The following TENM2 variants were observed in gnomAD, a reference collection of about 807,000 sequenced individuals.
The protein encoded by TENM2 is teneurin transmembrane protein 2.
Under a neutral mutation model 245.2 loss-of-function variants are expected in TENM2, and 52 were observed. The observed-to-expected ratio is 0.21, with a 90% CI of 0.17 to 0.27. The LOEUF is 0.27. Among genes scored for constraint, TENM2 ranks in the 10% least tolerant of loss-of-function variants. The pLI is 1.00. For synonymous variants in TENM2, 1,363 were observed against 1,438.9 expected (o/e 0.95, Z 1.19); for missense variants, 3,046 against 3,666.8 (o/e 0.83, Z 4.37).
chr5:167,492,704 TG>T (rs1768511762), intron 2 of TENM2, among the ~76,000 whole-genome samples: 1 of 152,104 alleles, frequency 6.6e-6, no homozygotes, highest in Admixed American at 6.6e-5. Context: ...TCAAAAAACC[TG>T]GGGACACAAC....
chr5:167,440,215 T>C (rs995207197), intron 2 of TENM2, among the ~76,000 whole-genome samples: 1 of 152,220 alleles, frequency 6.6e-6, no homozygotes, highest in African/African-American at 2.4e-5. Flanking sequence ...ATTCTACTTA[T>C]AACAATGTAA....
the TENM2 span, among the ~76,000 whole-genome samples, chr5:167,020,836 G>A: frequency 6.6e-6 from 1 of 152,204 alleles, no homozygotes; most frequent in Non-Finnish European, 1.5e-5. Context: ...TTAAAGGGAT[G>A]GAGAAGACTC....
At chr5:167,784,362 T>C (rs1307785438) in intron 2 of TENM2, among the ~76,000 whole-genome samples, 1 of 152,192 alleles carries the variant, frequency 6.6e-6, no homozygotes, top group African/African-American at 2.4e-5. Context: ...GTCCATAGAA[T>C]GTATGTAGTG....
the TENM2 span, among the ~76,000 whole-genome samples, chr5:167,030,994 G>C: frequency 6.6e-6 from 1 of 152,180 alleles, no homozygotes. Context: ...TGCGGAGCAT[G>C]CCGCTTCCTG....
the TENM2 span, among the ~76,000 whole-genome samples, chr5:167,005,091 C>T: frequency 2.0e-5 from 3 of 151,972 alleles, no homozygotes; most frequent in Non-Finnish European, 2.9e-5. Flanking sequence ...AGGACTTTTC[C>T]CCCCCATTTA....
At chr5:167,308,482 A>T (rs1031035970) in intron 1 of TENM2, among the ~76,000 whole-genome samples, 1 of 152,198 alleles carries the variant, frequency 6.6e-6, no homozygotes. Context: ...TCTATTAGAA[A>T]ATCGTCTTGT....
At chr5:168,080,689 C>G (rs1791914436) in intron 7 of TENM2, among the ~76,000 whole-genome samples, 1 of 152,030 alleles carries the variant, frequency 6.6e-6, no homozygotes, top group South Asian at 2.1e-4. Context: ...TCGTTATGTA[C>G]CCAGTAGTCA....
At chr5:167,113,831 G>C in the TENM2 span, among the ~76,000 whole-genome samples, 8 of 152,146 alleles carry the variant, frequency 5.3e-5, no homozygotes, top group African/African-American at 1.9e-4. Context: ...ATGGTTAACT[G>C]TCTGATCCTT....
At chr5:167,735,641 AC>A (rs1456044971) in intron 2 of TENM2, among the ~76,000 whole-genome samples, 1 of 152,094 alleles carries the variant, frequency 6.6e-6, no homozygotes, top group Admixed American at 6.5e-5. Context: ...CCCCATCTCT[AC>A]AAAAAATACA....
intron 3 of TENM2, among the ~76,000 whole-genome samples, chr5:167,877,293 A>G (rs184797786): frequency 1.3e-5 from 2 of 152,336 alleles, no homozygotes; most frequent in East Asian, 3.9e-4. Flanking sequence ...AAATACATTT[A>G]AGATGACTCA....
At chr5:167,046,027 G>A in the TENM2 span, among the ~76,000 whole-genome samples, 1 of 152,088 alleles carries the variant, frequency 6.6e-6, no homozygotes, top group South Asian at 2.1e-4. Context: ...ATGTTTCTTA[G>A]TTCCAGTCAC....
chr5:167,300,602 C>G (rs1386144649), intron 1 of TENM2, among the ~76,000 whole-genome samples: 2 of 152,090 alleles, frequency 1.3e-5, no homozygotes, highest in African/African-American at 4.8e-5. Flanking sequence ...ATAACAGGCT[C>G]TAATCCTTTT....
chr5:167,527,665 T>G (rs899179477), intron 2 of TENM2, among the ~76,000 whole-genome samples: 8 of 152,164 alleles, frequency 5.3e-5, no homozygotes, highest in South Asian at 2.1e-4. Context: ...CTCTTATTTT[T>G]TCATCAAATA....
chr5:167,031,713 C>T, the TENM2 span, among the ~76,000 whole-genome samples: 1 of 152,018 alleles, frequency 6.6e-6, no homozygotes, highest in Non-Finnish European at 1.5e-5. Flanking sequence ...TACAGGCATG[C>T]GCTACCACGC....
chr5:167,761,709 A>G (rs1230303376), intron 2 of TENM2, among the ~76,000 whole-genome samples: 2 of 152,192 alleles, frequency 1.3e-5, no homozygotes, highest in African/African-American at 4.8e-5. Flanking sequence ...CACAGGCCTA[A>G]TGAGAAGTCA....
At chr5:167,388,468 A>C (rs1489508245) in intron 2 of TENM2, among the ~76,000 whole-genome samples, 5 of 151,430 alleles carry the variant, frequency 3.3e-5, no homozygotes, top group Non-Finnish European at 5.9e-5. Context: ...CTTTTGTTTC[A>C]TTTATCTTTT....
At chr5:167,060,605 C>G in the TENM2 span, among the ~76,000 whole-genome samples, 1 of 144,956 alleles carries the variant, frequency 6.9e-6, no homozygotes, top group Non-Finnish European at 1.5e-5. Flanking sequence ...GAGCCAAGAT[C>G]ATTCCACTGC....
chr5:167,983,197 ACT>A (rs1782975667), intron 4 of TENM2, among the ~76,000 whole-genome samples: 2 of 151,166 alleles, frequency 1.3e-5, no homozygotes, highest in African/African-American at 4.9e-5. Context: ...AAAAAAAAAG[ACT>A]CTTCATCTCA....
intron 2 of TENM2, among the ~76,000 whole-genome samples, chr5:167,627,171 T>G (rs1224994377): frequency 6.6e-6 from 1 of 152,206 alleles, no homozygotes. Context: ...TTTAAACCAC[T>G]CTAATGAATT....
Sources: allele counts gnomAD v4.1 joint callset (sites outside exome capture counted in the v4.1 genomes callset), GRCh38; gene constraint gnomAD v4.1.1; transcripts MANE v1.5; gene names NCBI Gene and HGNC (gene_info 2026-07-23, HGNC 2026-07-21).